The following RBM47 variants were observed in gnomAD, a reference collection of about 807,000 sequenced individuals.
RBM47 encodes the protein RNA binding motif protein 47, also known as RNA-binding protein 47.
RBM47 carries 21 observed loss-of-function variants against 47.1 expected under a neutral mutation model. The observed-to-expected ratio is 0.45, with a 90% CI of 0.32 to 0.64. RBM47 has a LOEUF of 0.64. Among genes scored for constraint, RBM47 ranks in the 30% least tolerant of loss-of-function variants. The probability of loss-of-function intolerance (pLI) is 0.05; values close to 1 mark genes in which losing one functional copy is unlikely to be tolerated. For missense variants in RBM47, 708 were observed against 870.9 expected (o/e 0.81, Z 2.35); for synonymous variants, 375 against 361.7 (o/e 1.04, Z -0.42).
chr4:40,433,998 C>CA (rs1553876867), intron 5 of RBM47, among the ~76,000 whole-genome samples: 1,435 of 42,080 alleles, frequency 0.034, 236 homozygotes, highest in African/African-American at 0.1. Context: ...GTGTGTGGGG[C>CA]GGGGGTGTGT....
At chr4:40,436,192 A>G (rs558742267) in intron 5 of RBM47, among the ~76,000 whole-genome samples, 6 of 47,688 alleles carry the variant, frequency 1.3e-4, no homozygotes, top group African/African-American at 3.3e-4. Context: ...AAAAACAAAC[A>G]AACAAACAAA....
intron 6 of RBM47, among the ~76,000 whole-genome samples, chr4:40,429,139 C>A (rs1299147802): frequency 6.6e-6 from 1 of 152,158 alleles, no homozygotes; most frequent in Non-Finnish European, 1.5e-5. Context: ...ATGCCCATGT[C>A]ACTTAATAGC....
chr4:40,489,110 G>A (rs1342548560), intron 2 of RBM47, among the ~76,000 whole-genome samples: 4 of 152,164 alleles, frequency 2.6e-5, no homozygotes, highest in Admixed American at 6.5e-5. Context: ...CATGTATTCA[G>A]TTGCCCTGTA....
chr4:40,592,983 T>A (rs1353146938), intron 1 of RBM47, among the ~76,000 whole-genome samples: 226 of 16,530 alleles, frequency 0.014, no homozygotes, highest in East Asian at 0.032. Context: ...ATATATATTT[T>A]TTTTTTTTTT....
At chr4:40,436,999 G>A (rs1712566407) in intron 4 of RBM47, 1 of 371,908 alleles carries the variant, frequency 2.7e-6, no homozygotes, top group Non-Finnish European at 5.4e-6. Flanking sequence ...CAGCACTTTG[G>A]GAGGCTGAGG....
chr4:40,482,549 A>G (rs1233869493), intron 2 of RBM47, among the ~76,000 whole-genome samples: 1 of 152,208 alleles, frequency 6.6e-6, no homozygotes, highest in Non-Finnish European at 1.5e-5. Flanking sequence ...CACCTGGCCT[A>G]GCCTGCATTC....
At chr4:40,531,341 TG>T (rs1276069408) in intron 2 of RBM47, among the ~76,000 whole-genome samples, 2 of 151,626 alleles carry the variant, frequency 1.3e-5, no homozygotes, top group Non-Finnish European at 2.9e-5. Flanking sequence ...ACAAAGAGTA[TG>T]GGGTTCTCTG....
In RBM47 at chr4:40,522,968, T is replaced by G. The variant is rs1184904777; in HGVS notation, c.-155+21454A>C. ...AAGCACTTTGCATTTCTCAAAAATC[T>G]TTTTTTTTTTTTTTTTTTTTACACA... On this transcript the variant is annotated intron_variant, in intron 2 of 6. Coordinates refer to ENST00000295971, the MANE Select transcript of RBM47 (RefSeq NM_001098634.2). Among the ~76,000 whole-genome samples the G allele has an allele frequency of 5.1e-5, 3 of 58,260 alleles. No individual in the cohort carries two copies. In the African/African-American group the frequency reaches 7.3e-4, roughly 14 times the overall value. 38.2% of individuals were successfully genotyped at this position (58,260 alleles called of 152,430 possible).
At chr4:40,558,575 C>T (rs1282239462) in intron 1 of RBM47, among the ~76,000 whole-genome samples, 1 of 150,100 alleles carries the variant, frequency 6.7e-6, no homozygotes. Flanking sequence ...TGCTTGTAAT[C>T]CCAGCACTTT....
chr4:40,461,448 T>C (rs1195273039), intron 3 of RBM47, among the ~76,000 whole-genome samples: 1 of 152,184 alleles, frequency 6.6e-6, no homozygotes, highest in African/African-American at 2.4e-5. Flanking sequence ...TCTTATCCCA[T>C]CCTACATCAG....
intron 2 of RBM47, among the ~76,000 whole-genome samples, chr4:40,527,882 A>G (rs550199677): frequency 1.8e-4 from 27 of 152,252 alleles, no homozygotes; most frequent in Non-Finnish European, 3.5e-4. Context: ...CCCTTGAGGA[A>G]ACTGACCTGC....
chr4:40,576,245 T>G (rs1285896721), intron 1 of RBM47, among the ~76,000 whole-genome samples: 2 of 42,042 alleles, frequency 4.8e-5, no homozygotes, highest in African/African-American at 1.3e-4. Flanking sequence ...TTTCTGTTTT[T>G]TTTTTTTTTT....
intron 2 of RBM47, among the ~76,000 whole-genome samples, chr4:40,530,969 G>A (rs929360601): frequency 9.9e-5 from 15 of 152,128 alleles, no homozygotes; most frequent in Non-Finnish European, 2.2e-4. Context: ...GCATGGGGGT[G>A]CATGCGTGTA....
chr4:40,560,777 C>T (rs1047737014), intron 1 of RBM47, among the ~76,000 whole-genome samples: 1 of 152,076 alleles, frequency 6.6e-6, no homozygotes, highest in African/African-American at 2.4e-5. Flanking sequence ...CCAGCCTGGC[C>T]AAAATGGTGA....
chr4:40,439,191 G>A (rs1324113395), intron 3 of RBM47, among the ~76,000 whole-genome samples: 2 of 151,758 alleles, frequency 1.3e-5, no homozygotes, highest in East Asian at 1.9e-4. Context: ...TCAGTACCCC[G>A]ACAGCTTTGA....
chr4:40,539,568 C>T (rs909282276), intron 2 of RBM47, among the ~76,000 whole-genome samples: 3 of 151,520 alleles, frequency 2.0e-5, no homozygotes, highest in South Asian at 2.1e-4. Context: ...TGGTGAAACA[C>T]GTCTCTACTA....
At chr4:40,445,233 C>T (rs1236689921) in intron 3 of RBM47, among the ~76,000 whole-genome samples, 2 of 150,486 alleles carry the variant, frequency 1.3e-5, no homozygotes, top group Non-Finnish European at 3.0e-5. Flanking sequence ...GAGATCACAC[C>T]ACTGCACTCC....
intron 1 of RBM47, among the ~76,000 whole-genome samples, chr4:40,624,332 A>C (rs1737536245): frequency 6.6e-6 from 1 of 152,166 alleles, no homozygotes. Context: ...GTGTGAATTT[A>C]GTATGAATAG....
intron 1 of RBM47, among the ~76,000 whole-genome samples, chr4:40,561,591 C>A (rs557445415): frequency 8.7e-5 from 13 of 149,212 alleles, no homozygotes; most frequent in Non-Finnish European, 8.9e-5. Context: ...GCTCTGTCAC[C>A]CAGGCTTGAG....
Sources: gnomAD v4.1 joint callset for allele counts (sites outside exome capture counted in the v4.1 genomes callset) on GRCh38, gnomAD v4.1.1 for gene constraint, MANE v1.5 for transcripts, NCBI Gene and HGNC (gene_info 2026-07-23, HGNC 2026-07-21) for gene names.